The following DBNDD2 variants were observed in gnomAD, a reference collection of about 807,000 sequenced individuals.
DBNDD2 encodes the protein dysbindin domain containing 2.
A neutral mutation model predicts 14.0 loss-of-function variants in DBNDD2; 8 were observed. The ratio of observed to expected loss-of-function variants is 0.57; its 90% CI spans 0.33 to 1.03. The LOEUF (loss-of-function observed/expected upper bound fraction) is 1.03, where lower values mean the gene tolerates loss of function less well. DBNDD2 is among the 50% of genes least tolerant of loss of function. DBNDD2 has a pLI of 0.03. For missense variants in DBNDD2, 194 were observed against 206.0 expected (o/e 0.94, Z 0.36); for synonymous variants, 94 against 85.3 (o/e 1.10, Z -0.56).
At chr20:45,406,289 G>A (rs1180504568), upstream of DBNDD2, 1 of 608,808 alleles carries the variant, frequency 1.6e-6, no homozygotes, top group Non-Finnish European at 2.8e-6. Flanking sequence ...TGCCCAAAAG[G>A]CGCAGAGCAT....
At chr20:45,406,756 C>T (rs1476649800), upstream of DBNDD2, 2 of 1,264,960 alleles carry the variant, frequency 1.6e-6, no homozygotes, top group Admixed American at 4.3e-5. Flanking sequence ...CGGCGGTGGG[C>T]GCAGGTGCCG....
intron 2 of DBNDD2, among the ~76,000 whole-genome samples, chr20:45,409,353 G>A (rs1989703914): frequency 6.6e-6 from 1 of 152,000 alleles, no homozygotes; most frequent in Admixed American, 6.6e-5. Flanking sequence ...TCCTTACAAC[G>A]TCCTGTCAGG....
intron 2 of DBNDD2, among the ~76,000 whole-genome samples, chr20:45,409,358 G>A (rs192709294): frequency 6.6e-6 from 1 of 152,232 alleles, no homozygotes; most frequent in East Asian, 1.9e-4. Context: ...ACAACGTCCT[G>A]TCAGGGTAGG....
In DBNDD2 at chr20:45,408,474, C is replaced by T. The variant is rs376591377; in HGVS notation, c.7C>T (p.Pro3Ser). The T allele has an allele frequency of 1.1e-5, 17 of 1,614,134 alleles. No individual in the cohort carries two copies. In the African/African-American group the frequency reaches 2.1e-4, roughly 20 times the overall value. ...TCTACCCGCAGGAGCTGACATGGAC[C>T]CAAATCCTCGGGCCGCCCTGGAGCG... MD[P>S]NPRAALERQQ... The change falls in exon 1 of 3, where the codon CCA becomes TCA. Residue 3 changes from proline to serine, a missense_variant. By Grantham distance (74) the Pro-to-Ser change is moderately conservative. Coordinates refer to ENST00000372710, the MANE Select transcript of DBNDD2 (RefSeq NM_001048225.4).
rs539986667 is a variant in DBNDD2, at chr20:45,410,017, C to T, written c.363C>T (p.Ser121=). The part of the protein sequence containing the change: ...TTSRTSSSSS[S]DSSTNLHSPN... ...CTAGGACCTCCTCCTCCTCCTCCTC[C>T]GACTCCTCCACCAACCTGCATAGCC... Residue 121 remains serine, a synonymous_variant, in exon 3 of 3, where the codon TCC becomes TCT. Coordinates refer to ENST00000372710, the MANE Select transcript of DBNDD2 (RefSeq NM_001048225.4). 119 of 1,552,080 alleles carry T rather than the reference C, an allele frequency of 7.7e-5. No homozygotes were observed. Among genetic ancestry groups the T allele is most frequent in the Non-Finnish European group, 9.2e-5 (106 of 1,147,178 alleles).
chr20:45,406,547 C>A, upstream of DBNDD2: 1 of 1,511,526 alleles, frequency 6.6e-7, no homozygotes, highest in Admixed American at 2.1e-5. Context: ...AGCGAGTGAG[C>A]CCGCCACCGC....
chr20:45,408,272 G>C, upstream of DBNDD2: 1 of 1,554,662 alleles, frequency 6.4e-7, no homozygotes, highest in Non-Finnish European at 8.7e-7. Context: ...CTCTGCATGA[G>C]ACTTGGTTTG....
Position 45,410,190 on chromosome 20 carries a change from G to T in DBNDD2, c.*50G>T. 6.5e-7 allele frequency: 1 copy of T among 1,545,194 alleles called. No individual in the cohort carries two copies. Among genetic ancestry groups the T allele is most frequent in the South Asian group, 1.2e-5 (1 of 83,750 alleles). On this transcript the variant is annotated 3_prime_UTR_variant, in exon 3 of 3. Transcript: ENST00000372710. ...ACCACGCTGGCTATTCTCCACATGAGACCACAGGCCCAGCCAGAGCCTGTC... is the reference window on the plus strand; with the variant it reads ...ACCACGCTGGCTATTCTCCACATGATACCACAGGCCCAGCCAGAGCCTGTC...
chr20:45,410,572 C>A lies in DBNDD2; in HGVS notation c.*432C>A, dbSNP rs1345327077. The stretch of plus-strand genomic sequence containing the variant: ...TCCTTACATCCTTTTTGGAACAGAG[C>A]ACGGTATAAATAATAAACTAATAAT... On this transcript the variant is annotated 3_prime_UTR_variant, in exon 3 of 3. Transcript: ENST00000372710. 1 of 181,790 alleles carries A rather than the reference C, an allele frequency of 5.5e-6. No homozygotes were observed. Among genetic ancestry groups the A allele is most frequent in the Non-Finnish European group, 1.2e-5 (1 of 84,800 alleles). 11.3% of individuals were successfully genotyped at this position (181,790 alleles called of 1,614,324 possible). A position where few individuals can be genotyped will look rare whatever the true frequency, so the allele number is the denominator to read the frequency against.
At chr20:45,409,301 G>T (rs1989700108) in intron 2 of DBNDD2, among the ~76,000 whole-genome samples, 1 of 152,058 alleles carries the variant, frequency 6.6e-6, no homozygotes, top group Non-Finnish European at 1.5e-5. Flanking sequence ...ACTTTAGTAG[G>T]TTCCAATACT....
chr20:45,406,827 C>T (rs1168380679), upstream of DBNDD2: 8 of 1,213,838 alleles, frequency 6.6e-6, no homozygotes, highest in African/African-American at 1.6e-5. Context: ...CGCCCTCCCC[C>T]CGTCCTCCGC....
In DBNDD2 at chr20:45,408,355, C is replaced by A; in HGVS notation, c.-113C>A. 1 of 1,611,652 alleles carries A rather than the reference C, an allele frequency of 6.2e-7. No homozygotes were observed. Among genetic ancestry groups the A allele is most frequent in the Non-Finnish European group, 8.5e-7 (1 of 1,179,238 alleles). ...GAGGTGTCCAGGCCGGAGCCAGGGG[C>A]CCCACTGTTGGGATGCTGGCTGCAG... On this transcript the variant is annotated 5_prime_UTR_variant, in exon 1 of 3. Transcript: ENST00000372710.
chr20:45,407,258 T>G (rs1350934153), upstream of DBNDD2: 11 of 950,650 alleles, frequency 1.2e-5, no homozygotes, highest in African/African-American at 1.9e-4. Flanking sequence ...GGAATCGGCG[T>G]CAGCGCCTCG....
upstream of DBNDD2, chr20:45,406,529 G>T (rs975367185): frequency 3.3e-6 from 5 of 1,520,568 alleles, no homozygotes; most frequent in South Asian, 1.2e-5. Flanking sequence ...ACCGCCGGGC[G>T]AGCTGCGAGC....
Position 45,408,590 on chromosome 20 carries a change from T to C in DBNDD2, c.123T>C (p.His41=), listed in dbSNP as rs1271584420. The C allele has an allele frequency of 1.1e-5, 18 of 1,613,262 alleles. No homozygotes were observed. The highest frequency in any genetic ancestry group is 1.4e-5 in the Non-Finnish European group (17 of 1,179,354). The change falls in exon 1 of 3, where the codon CAT becomes CAC. Residue 41 remains histidine, a synonymous_variant. Coordinates refer to ENST00000372710, the MANE Select transcript of DBNDD2 (RefSeq NM_001048225.4). ...TEFVFPLSHL[H]LESQRPPIGS... is the part of the protein sequence containing the mutation. ...TTGTCTTTCCTCTGTCCCATCTGCATCTCGAGTCGCAGAGACGTAAGTCCC... is the reference window on the plus strand; with the variant it reads ...TTGTCTTTCCTCTGTCCCATCTGCACCTCGAGTCGCAGAGACGTAAGTCCC...
chr20:45,409,033 A>C, intron 2 of DBNDD2, 95 bp downstream of exon 2: 1 of 1,612,878 alleles, frequency 6.2e-7, no homozygotes, highest in Non-Finnish European at 8.5e-7. Flanking sequence ...GGGGAAGTAC[A>C]CAAGTAAGGG....
Position 45,408,584 on chromosome 20 carries a change from T to C in DBNDD2, c.117T>C (p.His39=), listed in dbSNP as rs1989626598. The C allele has an allele frequency of 6.8e-6, 11 of 1,613,486 alleles. No homozygotes were observed. Among genetic ancestry groups the C allele is most frequent in the Admixed American group, 3.3e-5 (2 of 59,984 alleles). Residue 39 remains histidine, a synonymous_variant, in exon 1 of 3, where the codon CAT becomes CAC. Coordinates refer to ENST00000372710, the MANE Select transcript of DBNDD2 (RefSeq NM_001048225.4). ...PETEFVFPLS[H]LHLESQRPPI... The stretch of plus-strand genomic sequence containing the variant: ...CAGAGTTTGTCTTTCCTCTGTCCCA[T>C]CTGCATCTCGAGTCGCAGAGACGTA...
intron 2 of DBNDD2, among the ~76,000 whole-genome samples, chr20:45,409,449 G>A (rs1187622197): frequency 6.6e-6 from 1 of 152,100 alleles, no homozygotes; most frequent in African/African-American, 2.4e-5. Flanking sequence ...AGATAAACTG[G>A]AATTCATGTC....
upstream of DBNDD2, chr20:45,406,173 T>A: frequency 2.3e-6 from 1 of 427,602 alleles, no homozygotes; most frequent in Non-Finnish European, 4.2e-6. Context: ...CCCAACTCTC[T>A]CTTTCCCATC....
Sources: allele counts gnomAD v4.1 joint callset (sites outside exome capture counted in the v4.1 genomes callset), GRCh38; gene constraint gnomAD v4.1.1; transcripts MANE v1.5; gene names NCBI Gene and HGNC (gene_info 2026-07-23, HGNC 2026-07-21).